TRPM8: variants seen among roughly 807,000 people sequenced by gnomAD.
The protein encoded by TRPM8 is transient receptor potential cation channel subfamily M member 8, also known as TRPM8 cationic channel.
Under a neutral mutation model 133.7 loss-of-function variants are expected in TRPM8, and 110 were observed. The observed-to-expected ratio is 0.82, with a 90% CI of 0.70 to 0.96. The LOEUF is 0.96. TRPM8 is among the 40% of genes least tolerant of loss of function. The pLI is 0.00. For missense variants in TRPM8, 1,291 were observed against 1,379.5 expected (o/e 0.94, Z 1.02); for synonymous variants, 535 against 532.3 (o/e 1.01, Z -0.07).
At chr2:233,929,332 C>T (rs183720682) in intron 2 of TRPM8, among the ~76,000 whole-genome samples, 7 of 152,282 alleles carry the variant, frequency 4.6e-5, no homozygotes, top group Admixed American at 3.9e-4. Flanking sequence ...AGATAAGGCA[C>T]GTGGTCACCC....
intron 10 of TRPM8, 25 bp downstream of exon 10, chr2:233,954,044 A>G: frequency 6.5e-7 from 1 of 1,531,854 alleles, no homozygotes; most frequent in Non-Finnish European, 8.9e-7. Flanking sequence ...CTCCTTTTGA[A>G]GTGTCAGCTT....
intron 18 of TRPM8, among the ~76,000 whole-genome samples, chr2:233,980,819 A>G (rs1333894109): frequency 2.6e-5 from 4 of 152,244 alleles, no homozygotes; most frequent in African/African-American, 9.6e-5. Context: ...AACAATGTGT[A>G]TTCCACATCG....
chr2:234,008,520 G>A (rs922437136), intron 24 of TRPM8, among the ~76,000 whole-genome samples: 3 of 152,204 alleles, frequency 2.0e-5, no homozygotes, highest in African/African-American at 4.8e-5. Context: ...GCGTGAGTAC[G>A]CATATGAACA....
intron 20 of TRPM8, among the ~76,000 whole-genome samples, chr2:233,984,335 C>T (rs945755763): frequency 9.2e-5 from 14 of 152,098 alleles, no homozygotes; most frequent in Non-Finnish European, 2.1e-4. Flanking sequence ...GTACCCACTG[C>T]CCCCTCCTCT....
At chr2:233,932,566 T>C (rs955125646) in intron 3 of TRPM8, among the ~76,000 whole-genome samples, 1 of 152,000 alleles carries the variant, frequency 6.6e-6, no homozygotes, top group Admixed American at 6.6e-5. Context: ...CACTTACTAG[T>C]GGAAGGGGAA....
intron 9 of TRPM8, among the ~76,000 whole-genome samples, chr2:233,951,285 C>A (rs569441093): frequency 1.3e-5 from 2 of 152,114 alleles, no homozygotes; most frequent in African/African-American, 4.8e-5. Context: ...CCTTTTCCAA[C>A]GTATACATAT....
chr2:233,927,851 CCTTTCTTTCT>C (rs1244181047), intron 2 of TRPM8, among the ~76,000 whole-genome samples: 2 of 37,592 alleles, frequency 5.3e-5, no homozygotes, highest in East Asian at 2.4e-3. Context: ...TTCCTTCCTT[CCTTTCTTTCT>C]CTTTCTTTCT....
intron 5 of TRPM8, among the ~76,000 whole-genome samples, chr2:233,942,023 C>T (rs79687830): frequency 0.019 from 2,825 of 151,628 alleles, 90 homozygotes; most frequent in East Asian, 0.15. Flanking sequence ...TCCCTCGACC[C>T]ACCTCCCAGA....
chr2:233,996,067 A>C (rs546821080), intron 21 of TRPM8, among the ~76,000 whole-genome samples: 3 of 151,846 alleles, frequency 2.0e-5, no homozygotes, highest in Admixed American at 2.0e-4. Context: ...AATAATTTTA[A>C]AGTTTGTTGA....
At position 233,960,882 on chromosome 2, in the gene TRPM8, A is replaced by G. The variant is rs747428545; in HGVS notation, c.1469A>G (p.His490Arg). The change falls in exon 12 of 26, where the codon CAT becomes CGT. Residue 490 changes from histidine to arginine, a missense_variant. Transcript: ENST00000324695. ...TTGAACCTACGGAAGTTTCTCACCC[A>G]TGATGTCCTCACTGAACTCTTCTCC... is the stretch of plus-strand genomic sequence containing the variant. ...NGLNLRKFLT[H>R]DVLTELFSNH... 3.7e-6 allele frequency: 6 copies of G among 1,614,066 alleles called. No individual in the cohort carries two copies. Among genetic ancestry groups the G allele is most frequent in the South Asian group, 3.3e-5 (3 of 91,090 alleles).
At chr2:234,012,415 G>A (rs1457280082) in intron 24 of TRPM8, among the ~76,000 whole-genome samples, 1 of 151,794 alleles carries the variant, frequency 6.6e-6, no homozygotes. Context: ...CAAAGTGCTA[G>A]GATTACAGGC....
chr2:233,920,160 C>T (rs367824211), intron 1 of TRPM8, among the ~76,000 whole-genome samples: 33 of 152,122 alleles, frequency 2.2e-4, no homozygotes, highest in African/African-American at 7.5e-4. Context: ...CGTATAGTTT[C>T]CTGTGTGAGA....
At position 233,966,633 on chromosome 2, in the gene TRPM8, A is replaced by AG; in HGVS notation, c.1904dup (p.Ser635ArgfsTer3). On this transcript the variant is annotated frameshift_variant, in exon 15 of 26. Coordinates refer to ENST00000324695, the MANE Select transcript of TRPM8 (RefSeq NM_024080.5). LOFTEE classifies it high-confidence loss of function. ...AGAGCTGTTCACTGAGTGTTACAGC[A>AG]GCGATGAAGACTTGGCAGAACAGCT... 6.2e-7 allele frequency: 1 copy of AG among 1,614,142 alleles called. No individual in the cohort carries two copies. The highest frequency in any genetic ancestry group is 2.2e-5 in the East Asian group (1 of 44,864).
chr2:234,016,888 A>G (rs1369294070), intron 25 of TRPM8, among the ~76,000 whole-genome samples: 2 of 152,184 alleles, frequency 1.3e-5, no homozygotes, highest in Non-Finnish European at 2.9e-5. Flanking sequence ...GTTCTAGTTC[A>G]TTAAAAGAAT....
intron 3 of TRPM8, among the ~76,000 whole-genome samples, chr2:233,936,228 C>T (rs1342611757): frequency 6.6e-6 from 1 of 152,190 alleles, no homozygotes; most frequent in East Asian, 1.9e-4. Flanking sequence ...GGACATCCCG[C>T]TCATCTTGGG....
At chr2:233,950,236 G>A in intron 9 of TRPM8, 90 bp downstream of exon 9, 1 of 1,291,358 alleles carries the variant, frequency 7.7e-7, no homozygotes. Context: ...TCCACCAGCA[G>A]CTGCACGTGT....
At chr2:233,969,331 A>G (rs2125219581) in intron 15 of TRPM8, among the ~76,000 whole-genome samples, 1 of 151,942 alleles carries the variant, frequency 6.6e-6, no homozygotes, top group South Asian at 2.1e-4. Flanking sequence ...TACAAAAAAA[A>G]AAAAAATTAG....
At chr2:233,987,188 C>T (rs1559542852) in intron 21 of TRPM8, among the ~76,000 whole-genome samples, 1 of 152,178 alleles carries the variant, frequency 6.6e-6, no homozygotes, top group Non-Finnish European at 1.5e-5. Flanking sequence ...TGTGCTGTAT[C>T]CACACTGTGG....
chr2:233,945,853 C>T lies in TRPM8; in HGVS notation c.700-3C>T, dbSNP rs1232981060. ...CAAAGACAAGTTTCCCTGTACTTTT[C>T]AGGGCTATTTTTTAGCCCAGTACCT... On this transcript the variant is annotated splice_region_variant and splice_polypyrimidine_tract_variant and intron_variant, in intron 6 of 25. Transcript: ENST00000324695. 7 of 1,608,454 alleles carry T rather than the reference C, an allele frequency of 4.4e-6. No homozygotes were observed. Among genetic ancestry groups the T allele is most frequent in the Non-Finnish European group, 6.0e-6 (7 of 1,175,702 alleles).
Sources: gnomAD v4.1 joint callset for allele counts (sites outside exome capture counted in the v4.1 genomes callset) on GRCh38, gnomAD v4.1.1 for gene constraint, MANE v1.5 for transcripts, NCBI Gene and HGNC (gene_info 2026-07-23, HGNC 2026-07-21) for gene names.